Variants in ABCA5 observed in about 807,000 individuals in gnomAD.
ABCA5 encodes the protein cholesterol transporter ABCA5.
A neutral mutation model predicts 206.0 loss-of-function variants in ABCA5; 163 were observed. The ratio of observed to expected loss-of-function variants is 0.79; its 90% CI spans 0.70 to 0.90. The LOEUF is 0.90. Among genes scored for constraint, ABCA5 ranks in the 40% least tolerant of loss-of-function variants. ABCA5 has a pLI of 0.00. For missense variants in ABCA5, 1,859 were observed against 1,912.9 expected, an observed-to-expected ratio of 0.97 and a Z score of 0.53; for synonymous variants, 609 against 613.8, an observed-to-expected ratio of 0.99 and a Z score of 0.11.
chr17:69,300,695 T>G (rs1230820026), intron 9 of ABCA5, among the ~76,000 whole-genome samples: 1 of 152,126 alleles, frequency 6.6e-6, no homozygotes, highest in Non-Finnish European at 1.5e-5. Context: ...ACACAGGTAA[T>G]GAGGAATACA....
rs375421469 is a variant in ABCA5, at chr17:69,250,440, A to G, written c.4685+32T>C. 1.2e-5 allele frequency: 19 copies of G among 1,578,640 alleles called. No individual in the cohort carries two copies. In the African/African-American group the frequency reaches 2.3e-4, roughly 19 times the overall value. ...AACTTTTTATAACCTTTGCTCTATA[A>G]AGAAATATAACCACATTCTTTAAAA... On this transcript the variant is annotated intron_variant, in intron 36 of 38. Coordinates refer to ENST00000392676, the MANE Select transcript of ABCA5 (RefSeq NM_172232.4).
chr17:69,255,507 C>A (rs1200261941), intron 31 of ABCA5, 36 bp downstream of exon 31: 1 of 1,225,684 alleles, frequency 8.2e-7, no homozygotes, highest in South Asian at 2.3e-5. Flanking sequence ...CAATATAAAT[C>A]ACATTCAACA....
intron 29 of ABCA5, 62 bp from the exon 30 acceptor site, chr17:69,255,912 C>T: frequency 7.4e-7 from 1 of 1,344,128 alleles, no homozygotes; most frequent in South Asian, 1.4e-5. Flanking sequence ...TGACAGGCTG[C>T]ACATACCTCA....
At chr17:69,275,432 C>T (rs1272653348) in intron 19 of ABCA5, among the ~76,000 whole-genome samples, 1 of 152,084 alleles carries the variant, frequency 6.6e-6, no homozygotes, top group Non-Finnish European at 1.5e-5. Flanking sequence ...ATAAATTTCA[C>T]ATACCCCGTA....
intron 24 of ABCA5, 120 bp from the exon 25 acceptor site, chr17:69,261,868 T>C (rs1166031590): frequency 1.4e-5 from 6 of 427,766 alleles, no homozygotes; most frequent in Non-Finnish European, 2.5e-5. Context: ...TCATTTAAAC[T>C]GAACACTACT....
At chr17:69,282,271 T>C (rs533205882) in intron 18 of ABCA5, among the ~76,000 whole-genome samples, 1 of 152,170 alleles carries the variant, frequency 6.6e-6, no homozygotes, top group Non-Finnish European at 1.5e-5. Flanking sequence ...AGAGTAATAA[T>C]TGCTCATTCA....
intron 20 of ABCA5, among the ~76,000 whole-genome samples, chr17:69,272,054 A>T (rs2075279496): frequency 6.6e-6 from 1 of 152,208 alleles, no homozygotes; most frequent in Admixed American, 6.5e-5. Flanking sequence ...TTTAGAGAGA[A>T]ATTTAAATCA....
intron 7 of ABCA5, among the ~76,000 whole-genome samples, chr17:69,303,300 T>G (rs2075671330): frequency 6.6e-6 from 1 of 152,034 alleles, no homozygotes; most frequent in African/African-American, 2.4e-5. Flanking sequence ...ATTTTTTTTG[T>G]AGAGACAGGG....
At chr17:69,315,592 G>A (rs1188004070) in intron 1 of ABCA5, among the ~76,000 whole-genome samples, 1 of 152,136 alleles carries the variant, frequency 6.6e-6, no homozygotes, top group East Asian at 1.9e-4. Flanking sequence ...AGACCAGCCT[G>A]ACCAACATGG....
At chr17:69,303,861 T>TACACATAC (rs1555584193) in intron 7 of ABCA5, among the ~76,000 whole-genome samples, 4 of 59,494 alleles carry the variant, frequency 6.7e-5, no homozygotes, top group Admixed American at 5.5e-4. Flanking sequence ...TATATGTATA[T>TACACATAC]ATATATATAC....
At chr17:69,255,443 C>T in intron 31 of ABCA5, 100 bp downstream of exon 31, 1 of 694,118 alleles carries the variant, frequency 1.4e-6, no homozygotes, top group East Asian at 3.3e-5. Context: ...TAAAAATATA[C>T]ATAAAAATTG....
intron 19 of ABCA5, among the ~76,000 whole-genome samples, chr17:69,274,741 G>A (rs1047630190): frequency 2.6e-5 from 4 of 151,080 alleles, no homozygotes; most frequent in Non-Finnish European, 4.4e-5. Flanking sequence ...ATGTAAACAC[G>A]TAGTTATAAC....
intron 4 of ABCA5, 134 bp from the exon 5 acceptor site, chr17:69,308,502 C>T: frequency 2.0e-6 from 1 of 492,446 alleles, no homozygotes; most frequent in Non-Finnish European, 3.6e-6. Context: ...AAATAAGCTA[C>T]TGACTTTCAA....
At chr17:69,271,140 T>G (rs1256191452) in intron 21 of ABCA5, 22 bp downstream of exon 21, 4 of 1,598,754 alleles carry the variant, frequency 2.5e-6, no homozygotes, top group Non-Finnish European at 3.4e-6. Flanking sequence ...AAATGGATAT[T>G]CATTCACTGC....
chr17:69,301,204 A>G lies in ABCA5; in HGVS notation c.1202T>C (p.Ile401Thr), dbSNP rs1184574216. ...AGPYPLIITI[I>T]MLTLNSIFYV... ...GAATATACTATTAAGTGTGAGCATG[A>G]TAATTGTAATAATTAGAGGATATGG... Residue 401 changes from isoleucine to threonine, a missense_variant, in exon 9 of 39, where the codon ATC (isoleucine) becomes ACC (threonine). Coordinates refer to ENST00000392676, the MANE Select transcript of ABCA5 (RefSeq NM_172232.4). 6.2e-7 allele frequency: 1 copy of G among 1,602,980 alleles called. No homozygotes were observed. Among genetic ancestry groups the G allele is most frequent in the Non-Finnish European group, 8.5e-7 (1 of 1,176,806 alleles).
Position 69,271,277 on chromosome 17 carries a change from C to A in ABCA5, c.2777G>T (p.Ser926Ile), listed in dbSNP as rs769993464. ...GCTTGTGAAAAAGCTAATAAGATCA[C>A]TGATATCTGAGTCTGGTGTTAGAAA... ...LLQNSADSDI[S>I]DLISFFTSQN... is the part of the protein sequence containing the mutation. The change falls in exon 21 of 39, where the codon AGT becomes ATT. Residue 926 changes from serine (S) to isoleucine (I), a missense_variant. Ser to Ile is a moderately radical substitution (Grantham distance 142). Transcript: ENST00000392676. The A allele has an allele frequency of 2.5e-6, 4 of 1,610,136 alleles. No individual in the cohort carries two copies. The highest frequency in any genetic ancestry group is 3.4e-6 in the Non-Finnish European group (4 of 1,178,636).
In ABCA5 at chr17:69,287,685, A is replaced by G. The variant is rs756192179; in HGVS notation, c.1969T>C (p.Leu657=). 1.2e-6 allele frequency: 2 copies of G among 1,614,060 alleles called. No homozygotes were observed. The highest frequency in any genetic ancestry group is 3.3e-5 in the Admixed American group (2 of 60,004). Residue 657 remains leucine, a synonymous_variant, in exon 15 of 39, where the codon TTA becomes CTA. Coordinates refer to ENST00000392676, the MANE Select transcript of ABCA5 (RefSeq NM_172232.4). ...ACCCGATTGGCTTTTCTGTATTTTA[A>G]AAGATTCCATACAATATGTCGAGAA... ...PCSRHIVWNL[L]KYRKANRVTV... is the part of the protein sequence containing the mutation.
chr17:69,281,884 C>A (rs1044753907), intron 18 of ABCA5, among the ~76,000 whole-genome samples: 1 of 152,178 alleles, frequency 6.6e-6, no homozygotes, highest in Non-Finnish European at 1.5e-5. Context: ...TCATCACCCA[C>A]TCGGCATTCA....
At chr17:69,315,531 T>A (rs887811910) in intron 1 of ABCA5, 6 of 152,456 alleles carry the variant, frequency 3.9e-5, no homozygotes, top group African/African-American at 1.4e-4. Flanking sequence ...ACGCCTGTAA[T>A]CCCAGCACTT....
Sources: gnomAD v4.1 joint callset for allele counts (sites outside exome capture counted in the v4.1 genomes callset) on GRCh38, gnomAD v4.1.1 for gene constraint, MANE v1.5 for transcripts, NCBI Gene and HGNC (gene_info 2026-07-23, HGNC 2026-07-21) for gene names.